Variants in THTPA observed in about 807,000 individuals in gnomAD.
THTPA encodes thiamine-triphosphatase.
Under a neutral mutation model 16.5 loss-of-function variants are expected in THTPA, and 16 were observed. That is an observed-to-expected ratio of 0.97 (90% confidence interval 0.66 to 1.47). THTPA has a LOEUF of 1.47. Among genes scored for constraint, THTPA ranks in the 40% most tolerant of loss-of-function variants. The pLI, the probability that THTPA is intolerant of heterozygous loss-of-function variation, is 0.00. For missense variants in THTPA, 281 were observed against 280.9 expected, an observed-to-expected ratio of 1.00 and a Z score of 0.00; for synonymous variants, 110 against 115.5, an observed-to-expected ratio of 0.95 and a Z score of 0.30.
chr14:23,534,221 C>T, the THTPA span: 16 of 1,508,442 alleles, frequency 1.1e-5, no homozygotes, highest in African/African-American at 6.9e-5. The surrounding 1 kb of genome is among the most constrained non-coding windows in gnomAD (Gnocchi z 4.5). Context: ...GGCCCTGCCT[C>T]GCCTGCTGCT....
the THTPA span, chr14:23,521,944 C>A: frequency 6.5e-7 from 1 of 1,535,766 alleles, no homozygotes; most frequent in South Asian, 1.2e-5. Flanking sequence ...TCCCCTCTCC[C>A]CATCTTGGTT....
chr14:23,526,738 C>G, the THTPA span: 1 of 1,533,936 alleles, frequency 6.5e-7, no homozygotes, highest in East Asian at 2.4e-5. Flanking sequence ...CAGACCCCAC[C>G]CACTCAATAC....
chr14:23,533,577 G>A, the THTPA span: 6 of 1,536,608 alleles, frequency 3.9e-6, no homozygotes, highest in South Asian at 4.8e-5. The surrounding 1 kb of genome is among the most constrained non-coding windows in gnomAD (Gnocchi z 4.8). Context: ...GGATGCGCAG[G>A]TTACGGGAGA....
chr14:23,521,998 T>C, the THTPA span: 1 of 1,536,406 alleles, frequency 6.5e-7, no homozygotes, highest in South Asian at 1.2e-5. Context: ...TCGTAGTTTT[T>C]GGGTTGGAGT....
chr14:23,553,626 G>A (rs975653463), upstream of THTPA, among the ~76,000 whole-genome samples: 1 of 151,844 alleles, frequency 6.6e-6, no homozygotes, highest in Non-Finnish European at 1.5e-5. Context: ...CGGGCGTGGT[G>A]GCTCACACCT....
chr14:23,515,913 C>T, the THTPA span, among the ~76,000 whole-genome samples: 1 of 152,160 alleles, frequency 6.6e-6, no homozygotes, highest in Non-Finnish European at 1.5e-5. Context: ...TGTTCAAGAA[C>T]AGCCAACGTG....
At chr14:23,527,309 C>T in the THTPA span, among the ~76,000 whole-genome samples, 1 of 152,224 alleles carries the variant, frequency 6.6e-6, no homozygotes, top group Non-Finnish European at 1.5e-5. Context: ...TAAGTAGAGG[C>T]AGCTAGACAA....
chr14:23,512,961 G>A, the THTPA span: 2 of 152,086 alleles, frequency 1.3e-5, no homozygotes, highest in Admixed American at 6.5e-5. Context: ...TCGTATTGCT[G>A]TGGATGAAGG....
the THTPA span, among the ~76,000 whole-genome samples, chr14:23,546,611 G>T: frequency 6.6e-6 from 1 of 152,160 alleles, no homozygotes; most frequent in Non-Finnish European, 1.5e-5. This position sits in a 1 kb window ranked among gnomAD's most constrained non-coding sequence, Gnocchi z 4.7. Flanking sequence ...TGCCTTGCCA[G>T]CCTGGGGAGG....
At chr14:23,528,824 C>T in the THTPA span, 1 of 985,388 alleles carries the variant, frequency 1.0e-6, no homozygotes, top group Non-Finnish European at 1.2e-6. Flanking sequence ...GCCAGAGGCC[C>T]CACCATCACC....
intron 1 of THTPA, among the ~76,000 whole-genome samples, chr14:23,557,588 A>G (rs1882568403): frequency 6.6e-6 from 1 of 152,304 alleles, no homozygotes; most frequent in Non-Finnish European, 1.5e-5. Context: ...GTTTGCTTAC[A>G]GTTCTGTGAA....
At chr14:23,527,004 C>T in the THTPA span, 1 of 1,474,686 alleles carries the variant, frequency 6.8e-7, no homozygotes, top group South Asian at 1.4e-5. Flanking sequence ...GTGGCTTCAC[C>T]ACCACCCCCC....
At chr14:23,520,368 C>A in the THTPA span, among the ~76,000 whole-genome samples, 1 of 147,054 alleles carries the variant, frequency 6.8e-6, no homozygotes, top group Admixed American at 7.0e-5. The surrounding 1 kb of genome is among the most constrained non-coding windows in gnomAD (Gnocchi z 8.7). Flanking sequence ...GGGAAGGGAA[C>A]AAGGGACCCA....
the THTPA span, chr14:23,523,937 G>A: frequency 6.5e-7 from 1 of 1,536,164 alleles, no homozygotes; most frequent in South Asian, 1.2e-5. This position sits in a 1 kb window ranked among gnomAD's most constrained non-coding sequence, Gnocchi z 4.1. Context: ...ACTGGGTGGA[G>A]GGGGAGGTAG....
chr14:23,534,004 A>G, the THTPA span: 1 of 1,537,098 alleles, frequency 6.5e-7, no homozygotes, highest in Non-Finnish European at 8.7e-7. This position sits in a 1 kb window ranked among gnomAD's most constrained non-coding sequence, Gnocchi z 4.5. Context: ...GAGCAGGGAC[A>G]TGTGGCTGGA....
the THTPA span, chr14:23,535,427 G>A: frequency 2.2e-6 from 3 of 1,370,970 alleles, no homozygotes; most frequent in Non-Finnish European, 2.8e-6. The surrounding 1 kb of genome is among the most constrained non-coding windows in gnomAD (Gnocchi z 4.5). Flanking sequence ...GACCCCAGCT[G>A]GGCAGCTGGA....
chr14:23,529,409 C>T, the THTPA span: 2 of 355,116 alleles, frequency 5.6e-6, no homozygotes, highest in Admixed American at 8.7e-5. Context: ...TTTCTCCTCC[C>T]CTCCTTCCAG....
chr14:23,553,570 G>C (rs145062715), upstream of THTPA, among the ~76,000 whole-genome samples: 1,317 of 150,390 alleles, frequency 8.8e-3, 21 homozygotes, highest in African/African-American at 0.031. Context: ...TTGCACTCCA[G>C]CCTGGGCAAC....
chr14:23,520,655 G>A, the THTPA span, among the ~76,000 whole-genome samples: 2 of 152,164 alleles, frequency 1.3e-5, no homozygotes, highest in East Asian at 1.9e-4. This position sits in a 1 kb window ranked among gnomAD's most constrained non-coding sequence, Gnocchi z 8.7. Flanking sequence ...TCCCTGTATC[G>A]CCAGCTCCCA....
Sources: gnomAD v4.1 joint callset for allele counts (sites outside exome capture counted in the v4.1 genomes callset) on GRCh38, gnomAD v4.1.1 for gene constraint, Gnocchi (gnomAD v3.1) non-coding constraint, MANE v1.5 for transcripts, NCBI Gene and HGNC (gene_info 2026-07-23, HGNC 2026-07-21) for gene names.